IQGAP1: variants seen among roughly 807,000 people sequenced by gnomAD.
IQGAP1 encodes IQ motif containing GTPase activating protein 1.
In IQGAP1, 66 loss-of-function variants were observed where a neutral mutation model predicts 215.6. The observed-to-expected ratio is 0.31, with a 90% CI of 0.25 to 0.38. The LOEUF is 0.38. Ranked by LOEUF, IQGAP1 falls within the 10% of genes least tolerant of loss-of-function variation. The pLI, the probability that IQGAP1 is intolerant of heterozygous loss-of-function variation, is 1.00. For missense variants in IQGAP1, 1,712 were observed against 1,997.1 expected (o/e 0.86, Z 2.72); for synonymous variants, 772 against 728.7 (o/e 1.06, Z -0.96).
chr15:90,459,922 C>G (rs1003339512), intron 15 of IQGAP1, among the ~76,000 whole-genome samples: 31 of 152,012 alleles, frequency 2.0e-4, no homozygotes, highest in African/African-American at 7.2e-4. Flanking sequence ...TTGAAGTGTT[C>G]CTTTTATATT....
At chr15:90,424,977 C>T (rs988646001) in intron 2 of IQGAP1, among the ~76,000 whole-genome samples, 1 of 151,892 alleles carries the variant, frequency 6.6e-6, no homozygotes, top group Non-Finnish European at 1.5e-5. Context: ...TATAGCTTTC[C>T]TTCGATATTC....
chr15:90,487,714 C>T (rs1406414997), intron 33 of IQGAP1, 132 bp downstream of exon 33: 4 of 646,186 alleles, frequency 6.2e-6, no homozygotes, highest in East Asian at 5.6e-5. Flanking sequence ...AACTGGGGGA[C>T]AGTGGTAGTT....
intron 15 of IQGAP1, among the ~76,000 whole-genome samples, chr15:90,456,912 G>A (rs60569488): frequency 0.43 from 45,739 of 106,794 alleles, 8,651 homozygotes; most frequent in East Asian, 0.63. Flanking sequence ...ATATATATAT[G>A]TGTGTGTGTG....
rs1259499061 is a variant in IQGAP1, at chr15:90,465,005, A to G, written c.1777-996A>G. Among the ~76,000 whole-genome samples, 5 of 152,340 alleles carry G rather than the reference A, an allele frequency of 3.3e-5. No individual in the cohort carries two copies. The East Asian group carries it at 7.7e-4, about 23-fold the overall frequency. ...AGGAAGAGGAAAGTAAGTCACCTCC[A>G]CTACATCATACATCATCTCTATCCA... On this transcript the variant is annotated intron_variant, in intron 15 of 37. Coordinates refer to ENST00000268182, the MANE Select transcript of IQGAP1 (RefSeq NM_003870.4).
At chr15:90,453,545 T>C (rs1418729224) in intron 13 of IQGAP1, among the ~76,000 whole-genome samples, 2 of 152,244 alleles carry the variant, frequency 1.3e-5, no homozygotes, top group African/African-American at 2.4e-5. Context: ...ATAATACTTT[T>C]TAAATATCAT....
chr15:90,392,481 A>G (rs759441976), intron 2 of IQGAP1, among the ~76,000 whole-genome samples: 3 of 152,186 alleles, frequency 2.0e-5, no homozygotes, highest in Non-Finnish European at 4.4e-5. Context: ...TGGTGATTCC[A>G]CTGAGGTGAC....
At chr15:90,456,436 C>A in intron 15 of IQGAP1, 121 bp downstream of exon 15, 1 of 922,130 alleles carries the variant, frequency 1.1e-6, no homozygotes, top group Non-Finnish European at 1.6e-6. Flanking sequence ...CCCTTAGATT[C>A]AAAGCACTGG....
chr15:90,489,195 C>A (rs1966170497), intron 33 of IQGAP1, among the ~76,000 whole-genome samples: 1 of 148,636 alleles, frequency 6.7e-6, no homozygotes, highest in Non-Finnish European at 1.5e-5. Flanking sequence ...GTGGCGTGAT[C>A]TTGGCTCACT....
chr15:90,471,837 G>GAA (rs374705456), intron 18 of IQGAP1, among the ~76,000 whole-genome samples: 30,574 of 144,980 alleles, frequency 0.21, 3,365 homozygotes, highest in East Asian at 0.32. Flanking sequence ...GTGTTGCCCA[G>GAA]AAAAAAAAAA....
chr15:90,469,043 G>C (rs1246538451), intron 18 of IQGAP1, among the ~76,000 whole-genome samples: 2 of 152,174 alleles, frequency 1.3e-5, no homozygotes, highest in Admixed American at 1.3e-4. Flanking sequence ...TAGTTTTTAA[G>C]GTGAGCTGCT....
intron 3 of IQGAP1, among the ~76,000 whole-genome samples, chr15:90,428,274 A>G (rs1965254066): frequency 6.6e-6 from 1 of 150,872 alleles, no homozygotes; most frequent in Non-Finnish European, 1.5e-5. Flanking sequence ...TGGGGGTCTC[A>G]CTATGTTGCC....
intron 35 of IQGAP1, among the ~76,000 whole-genome samples, chr15:90,493,856 TGTA>T (rs1966238560): frequency 6.6e-6 from 1 of 152,218 alleles, no homozygotes; most frequent in African/African-American, 2.4e-5. Context: ...ATGTTCAACC[TGTA>T]GTTTCCCCTC....
intron 26 of IQGAP1, among the ~76,000 whole-genome samples, chr15:90,478,693 T>A (rs565699439): frequency 4.6e-5 from 7 of 152,176 alleles, no homozygotes; most frequent in Non-Finnish European, 1.0e-4. Flanking sequence ...GCAGAGTGTT[T>A]ATGTCTGAAC....
intron 2 of IQGAP1, among the ~76,000 whole-genome samples, chr15:90,410,419 A>G (rs1318868107): frequency 1.3e-4 from 20 of 152,228 alleles, no homozygotes; most frequent in Admixed American, 1.0e-3. Flanking sequence ...CATGATAGCA[A>G]ACACTTGGAA....
At chr15:90,440,444 C>G (rs757512155) in intron 6 of IQGAP1, 58 bp from the exon 7 acceptor site, 1 of 1,196,714 alleles carries the variant, frequency 8.4e-7, no homozygotes. Flanking sequence ...ATGTTTCCTT[C>G]TCTTGGTTAT....
intron 13 of IQGAP1, among the ~76,000 whole-genome samples, 184 bp downstream of exon 13, chr15:90,453,476 A>G (rs1212855882): frequency 1.3e-5 from 2 of 152,244 alleles, no homozygotes; most frequent in African/African-American, 2.4e-5. Context: ...GTTCCTAAAT[A>G]TATAAGTAGG....
chr15:90,430,172 A>C (rs1965282436), intron 4 of IQGAP1, among the ~76,000 whole-genome samples: 1 of 152,044 alleles, frequency 6.6e-6, no homozygotes, highest in Non-Finnish European at 1.5e-5. Context: ...TTTTGTTTGG[A>C]GTGTACATCT....
intron 4 of IQGAP1, among the ~76,000 whole-genome samples, chr15:90,430,689 A>C (rs957558709): frequency 6.6e-6 from 1 of 151,938 alleles, no homozygotes; most frequent in Non-Finnish European, 1.5e-5. Context: ...AATGGTTTTC[A>C]TTTCTGTGTG....
intron 30 of IQGAP1, 77 bp downstream of exon 30, chr15:90,484,429 G>T: frequency 3.3e-6 from 4 of 1,222,362 alleles, no homozygotes; most frequent in Non-Finnish European, 4.7e-6. Flanking sequence ...ATCTCTGGTA[G>T]CCAGGTGTCT....
Sources: allele counts gnomAD v4.1 joint callset (sites outside exome capture counted in the v4.1 genomes callset), GRCh38; gene constraint gnomAD v4.1.1; transcripts MANE v1.5; gene names NCBI Gene and HGNC (gene_info 2026-07-23, HGNC 2026-07-21).